The following ZNF420 variants were observed in gnomAD, a reference collection of about 807,000 sequenced individuals.
The protein encoded by ZNF420 is ATM and p53-associated KZNF protein.
A neutral mutation model predicts 44.7 loss-of-function variants in ZNF420; 31 were observed. The ratio of observed to expected loss-of-function variants is 0.69; its 90% CI spans 0.52 to 0.94. ZNF420 has a LOEUF of 0.94. Among genes scored for constraint, ZNF420 ranks in the 40% least tolerant of loss-of-function variants. The pLI is 0.00. For missense variants in ZNF420, 681 were observed against 827.9 expected, an observed-to-expected ratio of 0.82 and a Z score of 2.18; for synonymous variants, 245 against 267.4, an observed-to-expected ratio of 0.92 and a Z score of 0.82.
chr19:37,045,012 A>C (rs1191982208), intron 1 of ZNF420, among the ~76,000 whole-genome samples: 2 of 152,164 alleles, frequency 1.3e-5, no homozygotes, highest in Non-Finnish European at 2.9e-5. Context: ...GCATCAGGTA[A>C]ATAGGCATCT....
chr19:37,129,056 T>C lies in ZNF420; in HGVS notation c.2065T>C (p.Ter689ArgextTer3), dbSNP rs1971523321. 4 of 1,607,214 alleles carry C rather than the reference T, an allele frequency of 2.5e-6. No homozygotes were observed. The highest frequency in any genetic ancestry group is 2.6e-6 in the Non-Finnish European group (3 of 1,174,986). Residue 689 changes from the stop codon to arginine (R), a stop_lost, in exon 5 of 5, where the codon TGA (stop) becomes CGA (arginine). Coordinates refer to ENST00000337995, the MANE Select transcript of ZNF420 (RefSeq NM_144689.5). ...TAGTCATGGCTCACAAGTTTACATG[T>C]GAATTGTCTGATTATTTGAGATCAC... ...DFSHGSQVYM[*>R]
upstream of ZNF420, chr19:37,074,965 T>G (rs1252768729): frequency 6.6e-6 from 1 of 152,232 alleles, no homozygotes; most frequent in Admixed American, 6.5e-5. Context: ...CCTCAGATAC[T>G]TTTTTGGGAT....
intron 1 of ZNF420, among the ~76,000 whole-genome samples, chr19:37,028,861 G>C (rs547301446): frequency 1.3e-5 from 2 of 152,330 alleles, no homozygotes; most frequent in African/African-American, 4.8e-5. Flanking sequence ...GGTCAGATAA[G>C]CTGCCTTCGG....
chr19:37,062,869 T>C (rs569235203), intron 1 of ZNF420, among the ~76,000 whole-genome samples: 5 of 152,152 alleles, frequency 3.3e-5, no homozygotes, highest in Non-Finnish European at 7.3e-5. Context: ...AGACTAGGAA[T>C]CTCCAGTTAG....
rs1483979355 is a variant in ZNF420 at position 37,095,121 on chromosome 19, C to A, written c.136+4000C>A. On this transcript the variant is annotated intron_variant, in intron 4 of 4. Coordinates refer to ENST00000337995, the MANE Select transcript of ZNF420 (RefSeq NM_144689.5). Reference sequence around the variant, plus strand: ...ACTCCAGCCTAGTGATAGAGAGAGACTCTGTCTCAAAAAAAAAAAAAAAAA... The same window carrying A: ...ACTCCAGCCTAGTGATAGAGAGAGAATCTGTCTCAAAAAAAAAAAAAAAAA... 1.3e-4 allele frequency among the ~76,000 whole-genome samples: 18 copies of A among 143,186 alleles called. No homozygotes were observed. The South Asian group carries it at 3.9e-3, about 31-fold the overall frequency. The allele number at this position is 143,186 out of a possible 152,430, so 93.9% of individuals were successfully genotyped here. A position where few individuals can be genotyped will look rare whatever the true frequency, so the allele number is the denominator to read the frequency against.
intron 4 of ZNF420, among the ~76,000 whole-genome samples, chr19:37,105,968 C>T (rs1970057786): frequency 1.3e-5 from 2 of 152,208 alleles, no homozygotes; most frequent in African/African-American, 4.8e-5. Context: ...ACAGTCATGT[C>T]ATCTGCAAAC....
At chr19:37,063,586 G>C (rs1406456009) in intron 1 of ZNF420, among the ~76,000 whole-genome samples, 2 of 117,848 alleles carry the variant, frequency 1.7e-5, no homozygotes, top group Admixed American at 1.1e-4. Flanking sequence ...ATGCCTAAAA[G>C]GTAATTTAAC....
At chr19:37,110,381 G>GT (rs1873681937) in intron 4 of ZNF420, among the ~76,000 whole-genome samples, 1 of 152,146 alleles carries the variant, frequency 6.6e-6, no homozygotes, top group Non-Finnish European at 1.5e-5. Flanking sequence ...CATCAAATTT[G>GT]TTTTTTAATC....
rs150306491 is a variant in ZNF420 at position 37,128,306 on chromosome 19, A to G, written c.1315A>G (p.Arg439Gly). 1 of 1,613,944 alleles carries G rather than the reference A, an allele frequency of 6.2e-7. No homozygotes were observed. Among genetic ancestry groups the G allele is most frequent in the African/African-American group, 1.3e-5 (1 of 74,910 alleles). The change falls in exon 5 of 5, where the codon AGG becomes GGG. Residue 439 changes from arginine to glycine, a missense_variant. Arg to Gly is a moderately radical substitution (Grantham distance 125). Transcript: ENST00000337995. The stretch of plus-strand genomic sequence containing the variant: ...TGGCTCACTCCTTACACGACACCAG[A>G]GGATTCATACTGGTGAGAAACCCTA... ...NRGSLLTRHQ[R>G]IHTGEKPYEC... is the part of the protein sequence containing the mutation.
Position 37,130,181 on chromosome 19 carries a change from G to C in ZNF420, c.*1123G>C, listed in dbSNP as rs1971588845. On this transcript the variant is annotated 3_prime_UTR_variant, in exon 5 of 5. Transcript: ENST00000337995. Reference sequence around the variant, plus strand: ...TACTCTCATGGGGACTTTGAGAATGGTATCTGGGTGTTATGGATCATGGAG... The same window carrying C: ...TACTCTCATGGGGACTTTGAGAATGCTATCTGGGTGTTATGGATCATGGAG... 6.5e-7 allele frequency: 1 copy of C among 1,550,202 alleles called. No homozygotes were observed. The highest frequency in any genetic ancestry group is 1.2e-5 in the South Asian group (1 of 84,042).
intron 1 of ZNF420, among the ~76,000 whole-genome samples, chr19:37,057,715 C>T (rs573054261): frequency 1.3e-5 from 2 of 152,144 alleles, no homozygotes; most frequent in African/African-American, 4.8e-5. Context: ...GCGTCGGTCC[C>T]GGAGCAACTG....
intron 4 of ZNF420, among the ~76,000 whole-genome samples, chr19:37,103,451 T>C (rs1274171450): frequency 6.6e-6 from 1 of 152,200 alleles, no homozygotes; most frequent in Admixed American, 6.5e-5. Flanking sequence ...TCTATATGTC[T>C]GCTAGTTTTT....
chr19:37,027,187 G>T (rs1157679542), intron 1 of ZNF420, among the ~76,000 whole-genome samples: 1 of 151,938 alleles, frequency 6.6e-6, no homozygotes, highest in Admixed American at 6.6e-5. Context: ...GATTCTGCAG[G>T]CTGGGCAGTG....
Position 37,127,965 on chromosome 19 carries a change from A to G in ZNF420, c.974A>G (p.His325Arg). Residue 325 changes from histidine (H) to arginine (R), a missense_variant, in exon 5 of 5, where the codon CAT becomes CGT. Physicochemically the swap from His to Arg is conservative, Grantham distance 29. This residue lies in a region of ZNF420 where 350 missense variants were observed against 382.5 expected (regional missense o/e 0.92). Transcript: ENST00000337995. ...ATTTGTGGCTCACAGCTTTCTCAAC[A>G]TCAGAAAATTCATAATGGGGAAAAA... The part of the protein sequence containing the change: ...AFICGSQLSQ[H>R]QKIHNGEKPY... 1 of 1,614,106 alleles carries G rather than the reference A, an allele frequency of 6.2e-7. No individual in the cohort carries two copies. The highest frequency in any genetic ancestry group is 8.5e-7 in the Non-Finnish European group (1 of 1,179,974).
chr19:37,049,630 G>A (rs1167603451), intron 1 of ZNF420, among the ~76,000 whole-genome samples: 1 of 152,152 alleles, frequency 6.6e-6, no homozygotes, highest in Admixed American at 6.5e-5. Context: ...TTTGTCAGAT[G>A]AGCAGGTTGC....
intron 1 of ZNF420, among the ~76,000 whole-genome samples, chr19:37,013,598 T>C (rs958173392): frequency 1.3e-5 from 2 of 152,126 alleles, no homozygotes; most frequent in African/African-American, 4.8e-5. Context: ...GGACTCCCAT[T>C]TGGATCTGAT....
At position 37,127,710 on chromosome 19, in the gene ZNF420, G is replaced by A. The variant is rs767940579; in HGVS notation, c.719G>A (p.Arg240Gln). The A allele has an allele frequency of 2.2e-5, 35 of 1,612,406 alleles. No individual in the cohort carries two copies. Among genetic ancestry groups the A allele is most frequent in the African/African-American group, 1.1e-4 (8 of 74,406 alleles). The change falls in exon 5 of 5, where the codon CGA becomes CAA. Residue 240 changes from arginine (R) to glutamine (Q), a missense_variant. Physicochemically the swap from Arg to Gln is conservative, Grantham distance 43. Coordinates refer to ENST00000337995, the MANE Select transcript of ZNF420 (RefSeq NM_144689.5). Reference protein sequence around the residue: ...KAFIRSSQLTRHQKVHTGEKP... With the variant: ...KAFIRSSQLTQHQKVHTGEKP... Reference sequence around the variant, plus strand: ...TTTATTCGTAGCTCACAACTTACCCGACATCAAAAAGTTCATACTGGTGAG... The same window carrying A: ...TTTATTCGTAGCTCACAACTTACCCAACATCAAAAAGTTCATACTGGTGAG...
At chr19:37,029,498 A>C (rs974160447) in intron 1 of ZNF420, among the ~76,000 whole-genome samples, 6 of 151,352 alleles carry the variant, frequency 4.0e-5, no homozygotes, top group Admixed American at 3.3e-4. Context: ...CAATATTTTA[A>C]TTTTGTTTTG....
chr19:37,090,967 A>G (rs1969105037), intron 3 of ZNF420, 28 bp from the exon 4 acceptor site: 1 of 1,594,606 alleles, frequency 6.3e-7, no homozygotes, highest in Non-Finnish European at 8.5e-7. Flanking sequence ...TTAAATTTCC[A>G]AAATTAACAT....
Sources: gnomAD v4.1 joint callset for allele counts (sites outside exome capture counted in the v4.1 genomes callset) on GRCh38, gnomAD v4.1.1 for gene constraint, gnomAD v4.1.1 regional missense constraint, MANE v1.5 for transcripts, NCBI Gene and HGNC (gene_info 2026-07-23, HGNC 2026-07-21) for gene names.